The following COX19 variants were observed in gnomAD, a reference collection of about 807,000 sequenced individuals.
COX19 encodes cytochrome c oxidase assembly protein COX19.
Under a neutral mutation model 6.8 loss-of-function variants are expected in COX19, and 8 were observed. That is an observed-to-expected ratio of 1.18 (90% CI 0.69 to 2.12). COX19 has a LOEUF of 2.12. COX19 is among the 30% of genes most tolerant of loss of function. COX19 has a pLI of 0.00. For synonymous variants in COX19, 51 were observed against 38.0 expected (o/e 1.34, Z -1.26); for missense variants, 131 against 104.6 (o/e 1.25, Z -1.10).
rs756197789 is a variant in COX19, at chr7:965,472, C to T, written c.*3906G>A. ...TGATACCGTGCCCTCAGGGACGCCC[C>T]CAGGTCGGTGCGGCCTGTGCGGCTC... On this transcript the variant is annotated 3_prime_UTR_variant, in exon 3 of 3. Transcript: ENST00000344111. Among the ~76,000 whole-genome samples the T allele has an allele frequency of 1.3e-5, 2 of 152,200 alleles. No individual in the cohort carries two copies. Among genetic ancestry groups the T allele is most frequent in the Non-Finnish European group, 2.9e-5 (2 of 68,036 alleles).
In COX19 at chr7:967,548, G is replaced by C. The variant is rs1213575928; in HGVS notation, c.*1830C>G. 2.0e-5 allele frequency: 3 copies of C among 152,220 alleles called. 1 individual carries two copies. The South Asian group carries it at 6.2e-4, about 31-fold the overall frequency. 9.4% of individuals were successfully genotyped at this position (152,220 alleles called of 1,614,324 possible). ...GCGGTGCGAGCGGAGAGGCAGGCCC[G>C]ACCCGGGCCTGGGCACTCCCGACGG... On this transcript the variant is annotated 3_prime_UTR_variant, in exon 3 of 3. Coordinates refer to ENST00000344111, the MANE Select transcript of COX19 (RefSeq NM_001031617.3).
In COX19 at chr7:973,246, G is replaced by C. The variant is rs1373476472; in HGVS notation, c.129C>G (p.Asn43Lys). ...FKEKFMKCLH[N>K]NNFENALCRK... The stretch of plus-strand genomic sequence containing the variant: ...TGCACAAAGCATTTTCAAAATTATT[G>C]TTATGAAGACACTTCATGAATTTCT... The change falls in exon 2 of 3, where the codon AAC (asparagine) becomes AAG (lysine). Residue 43 changes from asparagine to lysine, a missense_variant. By Grantham distance (94) the Asn-to-Lys change is moderately conservative. Coordinates refer to ENST00000344111, the MANE Select transcript of COX19 (RefSeq NM_001031617.3). The C allele has an allele frequency of 6.2e-7, 1 of 1,601,188 alleles. No homozygotes were observed. The highest frequency in any genetic ancestry group is 2.3e-5 in the East Asian group (1 of 44,288).
At chr7:971,715 C>G (rs1204784191) in intron 2 of COX19, among the ~76,000 whole-genome samples, 5 of 151,948 alleles carry the variant, frequency 3.3e-5, no homozygotes, top group Non-Finnish European at 7.4e-5. Flanking sequence ...ACTAAAAATA[C>G]AAAAAATTAG....
At chr7:969,817 A>G (rs1156857745) in intron 2 of COX19, among the ~76,000 whole-genome samples, 1 of 152,230 alleles carries the variant, frequency 6.6e-6, no homozygotes, top group African/African-American at 2.4e-5. Context: ...TTTGATTGGC[A>G]GGATAATGAC....
intron 1 of COX19, 120 bp downstream of exon 1, chr7:975,308 C>T: frequency 1.4e-6 from 1 of 736,072 alleles, no homozygotes; most frequent in Non-Finnish European, 2.1e-6. Flanking sequence ...GGGCGGGCCG[C>T]CGTGCCTCAG....
At chr7:971,667 C>G (rs1216462966) in intron 2 of COX19, among the ~76,000 whole-genome samples, 1 of 152,046 alleles carries the variant, frequency 6.6e-6, no homozygotes, top group East Asian at 1.9e-4. Flanking sequence ...GTCAGGAGAT[C>G]CAGACCATCC....
At chr7:974,861 T>A (rs1847683202) in intron 1 of COX19, 2 of 152,398 alleles carry the variant, frequency 1.3e-5, no homozygotes, top group South Asian at 4.1e-4. Flanking sequence ...TTTCCCCATG[T>A]TGGGCAGGCT....
chr7:972,250 T>C (rs1329612435), intron 2 of COX19, among the ~76,000 whole-genome samples: 1 of 152,194 alleles, frequency 6.6e-6, no homozygotes, highest in Non-Finnish European at 1.5e-5. Context: ...ATGTGAGCCC[T>C]GGAAGAGCCT....
intron 2 of COX19, 81 bp from the exon 3 acceptor site, chr7:969,537 G>A (rs924531272): frequency 1.2e-4 from 107 of 892,298 alleles, no homozygotes; most frequent in Admixed American, 1.7e-4. Context: ...GCTTCCCAGC[G>A]CACACCGGGG....
Position 973,197 on chromosome 7 carries a change from C to G in COX19, c.178G>C (p.Glu60Gln), listed in dbSNP as rs1562946496. Reference sequence around the variant, plus strand: ...TGTACTCACCTCTCCATCCTGCATTCTAAATATTCTTTTGATTCCTTTCTG... The same window carrying G: ...TGTACTCACCTCTCCATCCTGCATTGTAAATATTCTTTTGATTCCTTTCTG... The part of the protein sequence containing the change: ...LCRKESKEYL[E>Q]CRMERKLMLQ... Residue 60 changes from glutamate (E) to glutamine (Q), a missense_variant, in exon 2 of 3, where the codon GAA (glutamate) becomes CAA (glutamine). Transcript: ENST00000344111. 1 of 1,598,696 alleles carries G rather than the reference C, an allele frequency of 6.3e-7. No individual in the cohort carries two copies. The highest frequency in any genetic ancestry group is 1.7e-5 in the Admixed American group (1 of 57,442).
chr7:969,084 C>T lies in COX19; in HGVS notation c.*294G>A, dbSNP rs573548382. 12 of 333,380 alleles carry T rather than the reference C, an allele frequency of 3.6e-5. No individual in the cohort carries two copies. In the South Asian group the frequency reaches 6.1e-4, roughly 17 times the overall value. 20.7% of individuals were successfully genotyped at this position (333,380 alleles called of 1,614,324 possible). ...GTATCAGAGGACTGCAACATAAAAC[C>T]GCCCCATACAAGAGGGCCCCGGCCT... On this transcript the variant is annotated 3_prime_UTR_variant, in exon 3 of 3. Coordinates refer to ENST00000344111, the MANE Select transcript of COX19 (RefSeq NM_001031617.3).
chr7:974,250 TAAAAAA>T (rs748066628), intron 1 of COX19, among the ~76,000 whole-genome samples: 20 of 84,268 alleles, frequency 2.4e-4, no homozygotes, highest in African/African-American at 7.1e-4. Flanking sequence ...ACCCCATCTC[TAAAAAA>T]AAAAAAAAAA....
Position 965,028 on chromosome 7 carries a change from C to T in COX19, c.*4350G>A, listed in dbSNP as rs1233743894. ...GCACAACACATTCAGCAGCCAGACCCAGAAACTCAAAGGCAGCGTTGGGAA... is the reference window on the plus strand; with the variant it reads ...GCACAACACATTCAGCAGCCAGACCTAGAAACTCAAAGGCAGCGTTGGGAA... On this transcript the variant is annotated 3_prime_UTR_variant, in exon 3 of 3. Coordinates refer to ENST00000344111, the MANE Select transcript of COX19 (RefSeq NM_001031617.3). 3.3e-5 allele frequency among the ~76,000 whole-genome samples: 5 copies of T among 152,170 alleles called. No individual in the cohort carries two copies. The highest frequency in any genetic ancestry group is 7.3e-5 in the Non-Finnish European group (5 of 68,034).
At chr7:972,365 CACCTGT>C (rs1847647821) in intron 2 of COX19, among the ~76,000 whole-genome samples, 2 of 152,186 alleles carry the variant, frequency 1.3e-5, no homozygotes, top group South Asian at 4.1e-4. Flanking sequence ...ACCCCGAACA[CACCTGT>C]GTGGCCGGAA....
At position 966,418 on chromosome 7, in the gene COX19, T is replaced by C. The variant is rs1847555801; in HGVS notation, c.*2960A>G. The C allele has an allele frequency of 6.6e-6, 1 of 152,348 alleles. No individual in the cohort carries two copies. The highest frequency in any genetic ancestry group is 1.5e-5 in the Non-Finnish European group (1 of 68,118). 9.4% of individuals were successfully genotyped at this position (152,348 alleles called of 1,614,324 possible). Reference sequence around the variant, plus strand: ...ATCCTCCCACCTTGGCCTCCTAAAGTGCTGGGATTGCAGGCGTGAGCCGCT... The same window carrying C: ...ATCCTCCCACCTTGGCCTCCTAAAGCGCTGGGATTGCAGGCGTGAGCCGCT... On this transcript the variant is annotated 3_prime_UTR_variant, in exon 3 of 3. Coordinates refer to ENST00000344111, the MANE Select transcript of COX19 (RefSeq NM_001031617.3).
At chr7:973,588 T>C (rs1847664109) in intron 1 of COX19, among the ~76,000 whole-genome samples, 1 of 152,118 alleles carries the variant, frequency 6.6e-6, no homozygotes, top group South Asian at 2.1e-4. Flanking sequence ...GGAAGATCGC[T>C]TGAGCAAAGG....
At chr7:973,337 T>G in intron 1 of COX19, 45 bp from the exon 2 acceptor site, 1 of 1,527,120 alleles carries the variant, frequency 6.5e-7, no homozygotes, top group Non-Finnish European at 8.8e-7. Flanking sequence ...GAGTGAAAAG[T>G]GATGCAACCA....
rs1847564523 is a variant in COX19, at chr7:967,052, A to T, written c.*2326T>A. On this transcript the variant is annotated 3_prime_UTR_variant, in exon 3 of 3. Coordinates refer to ENST00000344111, the MANE Select transcript of COX19 (RefSeq NM_001031617.3). The stretch of plus-strand genomic sequence containing the variant: ...TGCCAAGCGCTTCCTTTAAGGGAAA[A>T]GGTGGAAACTCCTGACCTATAAGAA... 6.6e-6 allele frequency: 1 copy of T among 152,232 alleles called. No individual in the cohort carries two copies. The highest frequency in any genetic ancestry group is 2.4e-5 in the African/African-American group (1 of 41,450). The allele number at this position is 152,232 out of a possible 1,614,324, so 9.4% of individuals were successfully genotyped here.
intron 1 of COX19, among the ~76,000 whole-genome samples, chr7:973,904 T>C (rs919626931): frequency 6.7e-6 from 1 of 148,562 alleles, no homozygotes; most frequent in Non-Finnish European, 1.5e-5. Flanking sequence ...AAGCGGAGGT[T>C]GCAGCGAGTC....
Sources: gnomAD v4.1 joint callset for allele counts (sites outside exome capture counted in the v4.1 genomes callset) on GRCh38, gnomAD v4.1.1 for gene constraint, MANE v1.5 for transcripts, NCBI Gene and HGNC (gene_info 2026-07-23, HGNC 2026-07-21) for gene names.